Variants in OSMR observed in about 807,000 individuals in gnomAD.
OSMR encodes oncostatin M receptor.
Under a neutral mutation model 99.9 loss-of-function variants are expected in OSMR, and 81 were observed. That is an observed-to-expected ratio of 0.81 (90% CI 0.68 to 0.97). OSMR has a LOEUF of 0.97. Among genes scored for constraint, OSMR ranks in the 50% least tolerant of loss-of-function variants. The probability of loss-of-function intolerance (pLI) is 0.00; values close to 1 mark genes in which losing one functional copy is unlikely to be tolerated. For missense variants in OSMR, 1,099 were observed against 1,153.4 expected, an observed-to-expected ratio of 0.95 and a Z score of 0.68; for synonymous variants, 406 against 410.4, an observed-to-expected ratio of 0.99 and a Z score of 0.13.
chr5:38,886,424 C>A, intron 7 of OSMR: 1 of 1,165,848 alleles, frequency 8.6e-7, no homozygotes, highest in Non-Finnish European at 1.1e-6. Context: ...AACTTCAAAA[C>A]TAGGACTCTA....
At chr5:38,907,832 G>A (rs919701531) in intron 9 of OSMR, among the ~76,000 whole-genome samples, 7 of 152,204 alleles carry the variant, frequency 4.6e-5, no homozygotes, top group Non-Finnish European at 1.0e-4. Context: ...CACTTTGCCA[G>A]TGCACACGTG....
intron 9 of OSMR, among the ~76,000 whole-genome samples, chr5:38,906,428 A>T (rs1003311279): frequency 1.6e-4 from 24 of 152,202 alleles, no homozygotes; most frequent in Non-Finnish European, 5.9e-5. Flanking sequence ...GCTTAAGTAT[A>T]ATTATAGTGA....
Position 38,900,788 on chromosome 5 carries a change from C to A in OSMR, c.992-3094C>A, listed in dbSNP as rs79804518. 9.1e-3 allele frequency among the ~76,000 whole-genome samples: 1,383 copies of A among 152,222 alleles called. 145 individuals carry two copies. The East Asian group carries it at 0.23, about 25-fold the overall frequency. On this transcript the variant is annotated intron_variant, in intron 7 of 17. Coordinates refer to ENST00000274276, the MANE Select transcript of OSMR (RefSeq NM_003999.3). ...TTTTTTTTGTGTAAGGTTGTGTTGA[C>A]CTTTGTGCATGGTTGTGGCTTTTAC...
intron 9 of OSMR, among the ~76,000 whole-genome samples, chr5:38,907,151 G>A (rs1194323197): frequency 6.6e-6 from 1 of 152,176 alleles, no homozygotes; most frequent in African/African-American, 2.4e-5. Flanking sequence ...ATTAAGAGTG[G>A]ACACAGGGAG....
intron 15 of OSMR, among the ~76,000 whole-genome samples, chr5:38,927,988 T>C (rs1746546977): frequency 6.6e-6 from 1 of 152,210 alleles, no homozygotes; most frequent in Admixed American, 6.5e-5. Flanking sequence ...GTCTCTTTGC[T>C]AAAGCATAAC....
rs199541161 is a variant in OSMR, at chr5:38,933,092, A to T, written c.2588A>T (p.Gln863Leu). The T allele has an allele frequency of 1.2e-6, 2 of 1,614,098 alleles. No homozygotes were observed. Among genetic ancestry groups the T allele is most frequent in the African/African-American group, 1.3e-5 (1 of 74,936 alleles). The change falls in exon 18 of 18, where the codon CAG becomes CTG. Residue 863 changes from glutamine (Q) to leucine (L), a missense_variant. Gln to Leu is a moderately radical substitution (Grantham distance 113). Transcript: ENST00000274276. ...TGTTTTGAGAACTTGACCTATAACC[A>T]GGCAGCTTCTGACTCTGGCTCTTGT... Reference protein sequence around the residue: ...CICFENLTYNQAASDSGSCGH... With the variant: ...CICFENLTYNLAASDSGSCGH...
Position 38,925,330 on chromosome 5 carries a change from C to A in OSMR, c.2171C>A (p.Pro724His). 6.2e-7 allele frequency: 1 copy of A among 1,614,076 alleles called. No individual in the cohort carries two copies. The highest frequency in any genetic ancestry group is 8.5e-7 in the Non-Finnish European group (1 of 1,179,990). The change falls in exon 15 of 18, where the codon CCC (proline) becomes CAC (histidine). Residue 724 changes from proline (P) to histidine (H), a missense_variant. Coordinates refer to ENST00000274276, the MANE Select transcript of OSMR (RefSeq NM_003999.3). ...CCATTCACTAGTGCTGGTGAAGGCCCCAGTGCTACGTTCACGAAGGTCACG... is the reference window on the plus strand; with the variant it reads ...CCATTCACTAGTGCTGGTGAAGGCCACAGTGCTACGTTCACGAAGGTCACG... ...ITPFTSAGEG[P>H]SATFTKVTTP...
At chr5:38,913,109 A>G (rs1469713394) in intron 9 of OSMR, among the ~76,000 whole-genome samples, 2 of 152,172 alleles carry the variant, frequency 1.3e-5, no homozygotes, top group Admixed American at 6.5e-5. Flanking sequence ...CTACTGAACC[A>G]CAAAAGATAC....
At chr5:38,935,839 T>G (rs1746996619), downstream of OSMR, among the ~76,000 whole-genome samples, 1 of 152,174 alleles carries the variant, frequency 6.6e-6, no homozygotes, top group Admixed American at 6.5e-5. Context: ...CACACTAAAC[T>G]TTGAGAATCA....
At chr5:38,924,947 T>C (rs1437541383) in intron 14 of OSMR, 2 of 234,580 alleles carry the variant, frequency 8.5e-6, no homozygotes. Flanking sequence ...TTACTGTTTC[T>C]TGCAGATTTG....
At chr5:38,918,154 C>A (rs1339462989) in intron 10 of OSMR, among the ~76,000 whole-genome samples, 2 of 151,296 alleles carry the variant, frequency 1.3e-5, no homozygotes, top group African/African-American at 4.9e-5. Flanking sequence ...TTTTTTTTCA[C>A]CTTTAGTTTG....
At chr5:38,926,262 A>G (rs1746469096) in intron 15 of OSMR, among the ~76,000 whole-genome samples, 1 of 152,228 alleles carries the variant, frequency 6.6e-6, no homozygotes, top group Non-Finnish European at 1.5e-5. Flanking sequence ...AGCTGTAGAG[A>G]TGGGCACATC....
intron 16 of OSMR, among the ~76,000 whole-genome samples, chr5:38,932,224 T>C (rs532695128): frequency 2.0e-5 from 3 of 152,242 alleles, no homozygotes; most frequent in Non-Finnish European, 4.4e-5. Context: ...TCTCTTACTG[T>C]ATGTTTGGCA....
intron 7 of OSMR, among the ~76,000 whole-genome samples, chr5:38,893,494 A>G (rs1350816098): frequency 6.6e-6 from 1 of 152,230 alleles, no homozygotes; most frequent in African/African-American, 2.4e-5. Context: ...ATCAATTAGA[A>G]CTACTGGGAC....
chr5:38,903,584 TG>T (rs1313154822), intron 7 of OSMR: 1 of 158,526 alleles, frequency 6.3e-6, no homozygotes, highest in East Asian at 1.9e-4. Context: ...AATTCTCCGC[TG>T]TGGGCCATCT....
chr5:38,907,638 C>A (rs1321806901), intron 9 of OSMR, among the ~76,000 whole-genome samples: 1 of 152,182 alleles, frequency 6.6e-6, no homozygotes, highest in Admixed American at 6.5e-5. Flanking sequence ...CTCAGATGCC[C>A]AACTATGGTG....
intron 1 of OSMR, among the ~76,000 whole-genome samples, chr5:38,867,419 C>T (rs1230055457): frequency 2.6e-5 from 4 of 152,188 alleles, no homozygotes; most frequent in African/African-American, 7.2e-5. Context: ...TTTACTGAAT[C>T]GCTGGCTTTT....
At chr5:38,931,729 C>T (rs1244835576) in intron 15 of OSMR, 154 bp from the exon 16 acceptor site, 8 of 981,960 alleles carry the variant, frequency 8.1e-6, no homozygotes, top group Non-Finnish European at 8.5e-6. Flanking sequence ...TTGGCTTTTC[C>T]CCTGAAGTCA....
At chr5:38,876,166 A>T (rs1209624064) in intron 2 of OSMR, 35 bp from the exon 3 acceptor site, 9 of 1,590,172 alleles carry the variant, frequency 5.7e-6, no homozygotes. Context: ...TGCTCCTATT[A>T]AATATTATTT....
Sources: gnomAD v4.1 joint callset for allele counts (sites outside exome capture counted in the v4.1 genomes callset) on GRCh38, gnomAD v4.1.1 for gene constraint, MANE v1.5 for transcripts, NCBI Gene and HGNC (gene_info 2026-07-23, HGNC 2026-07-21) for gene names.